The following NSD3 variants were observed in gnomAD, a reference collection of about 807,000 sequenced individuals.
The protein encoded by NSD3 is histone-lysine N-methyltransferase NSD3.
In NSD3, 24 loss-of-function variants were observed where a neutral mutation model predicts 160.8. The observed-to-expected ratio is 0.15, with a 90% CI of 0.11 to 0.21. NSD3 has a LOEUF of 0.21. Ranked by LOEUF, NSD3 falls within the 10% of genes least tolerant of loss-of-function variation. NSD3 has a pLI of 1.00. For synonymous variants in NSD3, 520 were observed against 600.0 expected, an observed-to-expected ratio of 0.87 and a Z score of 1.95; for missense variants, 1,157 against 1,735.9, an observed-to-expected ratio of 0.67 and a Z score of 5.93.
chr8:38,293,873 A>G (rs952085000), intron 16 of NSD3, among the ~76,000 whole-genome samples: 2 of 137,592 alleles, frequency 1.5e-5, no homozygotes, highest in African/African-American at 2.6e-5. Context: ...CAGTGAGCAG[A>G]GATCATATCA....
In NSD3 at chr8:38,288,565, C is replaced by T; in HGVS notation, c.3423G>A (p.Lys1141=). The T allele has an allele frequency of 1.2e-6, 2 of 1,614,184 alleles. No individual in the cohort carries two copies. The highest frequency in any genetic ancestry group is 2.2e-5 in the South Asian group (2 of 91,082). Residue 1141 remains lysine, a synonymous_variant, in exon 19 of 24, where the codon AAG becomes AAA. Coordinates refer to ENST00000317025, the MANE Select transcript of NSD3 (RefSeq NM_023034.2). The surrounding 1 kb of genome is among the most constrained non-coding windows in gnomAD (Gnocchi z 4.5). The part of the protein sequence containing the change: ...GDRCQNQCFT[K]RLYPDAEIIK... ...TGATCTCTGCATCAGGGTATAGTCT[C>T]TTTGTAAAGCACTGGTTCTGACAAC... is the stretch of plus-strand genomic sequence containing the variant.
Position 38,270,271 on chromosome 8 carries a change from T to C in NSD3, c.*5370A>G, listed in dbSNP as rs1808404126. ...GTAATGGTTCACAGGATCTACAAAG[T>C]TTATTACAGATAAAGTACAGAAATA... is the stretch of plus-strand genomic sequence containing the variant. On this transcript the variant is annotated 3_prime_UTR_variant, in exon 24 of 24. Coordinates refer to ENST00000317025, the MANE Select transcript of NSD3 (RefSeq NM_023034.2). 6.6e-6 allele frequency: 1 copy of C among 152,182 alleles called. No homozygotes were observed. Among genetic ancestry groups the C allele is most frequent in the Non-Finnish European group, 1.5e-5 (1 of 68,038 alleles). 9.4% of individuals were successfully genotyped at this position (152,182 alleles called of 1,614,324 possible). A position where few individuals can be genotyped will look rare whatever the true frequency, so the allele number is the denominator to read the frequency against.
chr8:38,317,013 C>G lies in NSD3; in HGVS notation c.1856-971G>C. The G allele has an allele frequency of 4.7e-6, 5 of 1,059,266 alleles. No individual in the cohort carries two copies. Among genetic ancestry groups the G allele is most frequent in the Non-Finnish European group, 5.7e-6 (5 of 875,576 alleles). 65.6% of individuals were successfully genotyped at this position (1,059,266 alleles called of 1,614,324 possible). On this transcript the variant is annotated intron_variant, in intron 9 of 23. Transcript: ENST00000317025. This position sits in a 1 kb window ranked among gnomAD's most constrained non-coding sequence, Gnocchi z 5.3. Reference sequence around the variant, plus strand: ...CAGTTTGTGTTTTGGATTTTTTCCCCCAAAATTTCCATACAACAAACAGAC... The same window carrying G: ...CAGTTTGTGTTTTGGATTTTTTCCCGCAAAATTTCCATACAACAAACAGAC...
intron 1 of NSD3, among the ~76,000 whole-genome samples, chr8:38,364,313 C>T (rs1258545229): frequency 6.6e-6 from 1 of 151,576 alleles, no homozygotes; most frequent in East Asian, 1.9e-4. Flanking sequence ...ACAACAACAA[C>T]AGAAGTCTTG....
At chr8:38,365,262 T>A (rs1242460923) in intron 1 of NSD3, among the ~76,000 whole-genome samples, 1 of 152,220 alleles carries the variant, frequency 6.6e-6, no homozygotes, top group Non-Finnish European at 1.5e-5. Flanking sequence ...CCAAGTGCCA[T>A]GTTATATATC....
chr8:38,309,433 A>T (rs1040383412), intron 12 of NSD3, among the ~76,000 whole-genome samples: 1 of 152,200 alleles, frequency 6.6e-6, no homozygotes, highest in Non-Finnish European at 1.5e-5. Context: ...GCGCCACTGC[A>T]CTCCAGCCAG....
chr8:38,366,283 A>G (rs956739352), intron 1 of NSD3, among the ~76,000 whole-genome samples: 2 of 152,154 alleles, frequency 1.3e-5, no homozygotes, highest in Non-Finnish European at 2.9e-5. Context: ...TTTCTTTGCC[A>G]TGAAGAATTT....
chr8:38,307,531 G>A (rs1415814531), intron 12 of NSD3, among the ~76,000 whole-genome samples: 1 of 152,162 alleles, frequency 6.6e-6, no homozygotes, highest in East Asian at 1.9e-4. Context: ...GTTTGTAATT[G>A]CAAACAAGTG....
At chr8:38,284,982 C>T (rs1248327287) in intron 19 of NSD3, among the ~76,000 whole-genome samples, 1 of 152,112 alleles carries the variant, frequency 6.6e-6, no homozygotes. Context: ...TCTTTAGCCT[C>T]AAAGAGATGC....
chr8:38,348,964 A>G (rs1339437397), intron 1 of NSD3, among the ~76,000 whole-genome samples: 1 of 151,688 alleles, frequency 6.6e-6, no homozygotes, highest in African/African-American at 2.4e-5. Context: ...TGGCCTGCAA[A>G]TATTTTAAAC....
rs746320636 is a variant in NSD3 at position 38,275,657 on chromosome 8, T to C, written c.4298A>G (p.Glu1433Gly). The C allele has an allele frequency of 2.7e-5, 43 of 1,613,872 alleles. No homozygotes were observed. The highest frequency in any genetic ancestry group is 3.6e-5 in the Non-Finnish European group (42 of 1,179,926). ...KCKWESQDHG[E>G]EVKE ...ACCACACATTTATTCTTTTACTTCTTCTCCATGATCTTGTGATTCCCATTT... is the reference window on the plus strand; with the variant it reads ...ACCACACATTTATTCTTTTACTTCTCCTCCATGATCTTGTGATTCCCATTT... The change falls in exon 24 of 24, where the codon GAA becomes GGA. Residue 1433 changes from glutamate to glycine, a missense_variant. By Grantham distance (98) the Glu-to-Gly change is moderately conservative. Around this residue, in one of 10 missense-constraint regions of NSD3, gnomAD observed 222 missense variants for 409.9 expected, o/e 0.54. Coordinates refer to ENST00000317025, the MANE Select transcript of NSD3 (RefSeq NM_023034.2).
intron 22 of NSD3, among the ~76,000 whole-genome samples, chr8:38,277,820 G>A (rs1225482244): frequency 1.3e-5 from 2 of 151,974 alleles, no homozygotes; most frequent in African/African-American, 4.8e-5. Context: ...ACTGAAACAA[G>A]CTTCCTTGGA....
At chr8:38,280,812 G>C (rs997458154) in intron 20 of NSD3, among the ~76,000 whole-genome samples, 14 of 151,374 alleles carry the variant, frequency 9.2e-5, no homozygotes, top group African/African-American at 3.2e-4. Context: ...GAATGCAGTG[G>C]TGTGATCACA....
chr8:38,319,749 TG>T lies in NSD3; in HGVS notation c.1810-810del, dbSNP rs1809754066. The T allele has an allele frequency of 1.3e-5, 2 of 152,202 alleles. No individual in the cohort carries two copies. Among genetic ancestry groups the T allele is most frequent in the African/African-American group, 4.8e-5 (2 of 41,446 alleles). The allele number at this position is 152,202 out of a possible 1,614,324, so 9.4% of individuals were successfully genotyped here. On this transcript the variant is annotated intron_variant, in intron 8 of 23. Coordinates refer to ENST00000317025, the MANE Select transcript of NSD3 (RefSeq NM_023034.2). This position sits in a 1 kb window ranked among gnomAD's most constrained non-coding sequence, Gnocchi z 4.1. ...ACACATTTTGTAAATATTTAAGGAT[TG>T]TTCTAAGCTTTTTAAAAAAAATTTT... is the stretch of plus-strand genomic sequence containing the variant.
intron 12 of NSD3, 138 bp downstream of exon 12, chr8:38,314,509 T>C (rs1809609923): frequency 7.8e-7 from 1 of 1,283,254 alleles, no homozygotes; most frequent in Non-Finnish European, 1.0e-6. Context: ...AATCTTAATT[T>C]GTTGAAATAC....
intron 1 of NSD3, among the ~76,000 whole-genome samples, chr8:38,351,320 C>T (rs1810694429): frequency 6.6e-6 from 1 of 151,400 alleles, no homozygotes; most frequent in African/African-American, 2.4e-5. Flanking sequence ...CCAGTTTTCA[C>T]AGCTATATCA....
chr8:38,312,538 T>C (rs1480938427), intron 12 of NSD3, among the ~76,000 whole-genome samples: 1 of 152,132 alleles, frequency 6.6e-6, no homozygotes. Flanking sequence ...TAATCCCCAA[T>C]GTTGGAAGTG....
chr8:38,289,560 T>A, intron 17 of NSD3, 55 bp from the exon 18 acceptor site: 5 of 1,527,020 alleles, frequency 3.3e-6, no homozygotes, highest in Non-Finnish European at 4.5e-6. Flanking sequence ...GGAAAATTGA[T>A]GGGATAGTAG....
At chr8:38,376,625 C>T (rs778479036) in intron 1 of NSD3, among the ~76,000 whole-genome samples, 6 of 152,002 alleles carry the variant, frequency 3.9e-5, no homozygotes, top group Non-Finnish European at 7.4e-5. Context: ...TTAGTAGAGA[C>T]GGGGTTTCAC....
Sources: gnomAD v4.1 joint callset for allele counts (sites outside exome capture counted in the v4.1 genomes callset) on GRCh38, gnomAD v4.1.1 for gene constraint, gnomAD v4.1.1 regional missense constraint, Gnocchi (gnomAD v3.1) non-coding constraint, MANE v1.5 for transcripts, NCBI Gene and HGNC (gene_info 2026-07-23, HGNC 2026-07-21) for gene names.